The following NTRK1 variants were observed in gnomAD, a reference collection of about 807,000 sequenced individuals.
The protein encoded by NTRK1 is high affinity nerve growth factor receptor.
A neutral mutation model predicts 86.8 loss-of-function variants in NTRK1; 62 were observed. That is an observed-to-expected ratio of 0.71 (90% CI 0.58 to 0.88). The LOEUF is 0.88. Ranked by LOEUF, NTRK1 falls within the 40% of genes least tolerant of loss-of-function variation. The pLI, the probability that NTRK1 is intolerant of heterozygous loss-of-function variation, is 0.00. For missense variants in NTRK1, 967 were observed against 1,078.4 expected, an observed-to-expected ratio of 0.90 and a Z score of 1.45; for synonymous variants, 469 against 456.6, an observed-to-expected ratio of 1.03 and a Z score of -0.35.
chr1:156,829,305 G>T (rs972739880), intron 1 of NTRK1, among the ~76,000 whole-genome samples: 3 of 152,174 alleles, frequency 2.0e-5, no homozygotes, highest in African/African-American at 7.2e-5. Flanking sequence ...ACCACCTAGA[G>T]CACACAGCAC....
chr1:156,868,055 T>TC (rs773193794), intron 4 of NTRK1, 49 bp from the exon 5 acceptor site: 58 of 1,609,938 alleles, frequency 3.6e-5, no homozygotes, highest in Admixed American at 1.0e-4. Flanking sequence ...TCCCCTGTGA[T>TC]CCCTCAGGCC....
chr1:156,815,884 C>A, intron 1 of NTRK1: 1 of 1,613,864 alleles, frequency 6.2e-7, no homozygotes, highest in Non-Finnish European at 8.5e-7. Flanking sequence ...AGCCCGTTGG[C>A]AGACCCGGAT....
Position 156,880,151 on chromosome 1 carries a change from C to T in NTRK1, c.2199C>T (p.Asn733=), listed in dbSNP as rs145656213. 2.5e-6 allele frequency: 4 copies of T among 1,613,294 alleles called. No homozygotes were observed. The African/African-American group carries it at 4.0e-5, about 16-fold the overall frequency. ...AGCAGCCCTGGTACCAGCTCTCCAA[C>T]ACGGAGGTCAGCCCCGGCCCATGGT... is the stretch of plus-strand genomic sequence containing the variant. ...YGKQPWYQLS[N]TEAIDCITQG... Residue 733 remains asparagine, a synonymous_variant, in exon 16 of 17, where the codon AAC becomes AAT. Coordinates refer to ENST00000524377, the MANE Select transcript of NTRK1 (RefSeq NM_002529.4).
Position 156,864,720 on chromosome 1 carries a change from C to G in NTRK1, c.288-8C>G, listed in dbSNP as rs80026148. ...CCTGGGGACTGATCCTCCTGCACCCCTCCCCAGCACCATCGTGAAGAGTGG... is the reference window on the plus strand; with the variant it reads ...CCTGGGGACTGATCCTCCTGCACCCGTCCCCAGCACCATCGTGAAGAGTGG... On this transcript the variant is annotated splice_region_variant and splice_polypyrimidine_tract_variant and intron_variant, in intron 2 of 16. Transcript: ENST00000524377. 3 of 1,613,894 alleles carry G rather than the reference C, an allele frequency of 1.9e-6. No individual in the cohort carries two copies. The South Asian group carries it at 3.3e-5, about 18-fold the overall frequency.
intron 2 of NTRK1, among the ~76,000 whole-genome samples, chr1:156,843,698 G>A (rs561411224): frequency 1.4e-4 from 22 of 152,330 alleles, no homozygotes; most frequent in Non-Finnish European, 2.5e-4. Flanking sequence ...AGGAGTAAAG[G>A]GGCTTCCGCC....
chr1:156,868,330 A>G, intron 5 of NTRK1, 81 bp downstream of exon 5: 1 of 1,573,856 alleles, frequency 6.4e-7, no homozygotes, highest in Non-Finnish European at 8.6e-7. Context: ...CTGAGCAAGC[A>G]CTGAAAAGGC....
chr1:156,823,990 G>A (rs1654256415), intron 1 of NTRK1, among the ~76,000 whole-genome samples: 1 of 152,196 alleles, frequency 6.6e-6, no homozygotes. Flanking sequence ...CCAGTGCTGG[G>A]CCTGGATGAG....
intron 2 of NTRK1, chr1:156,851,510 G>A (rs773632282): frequency 1.2e-6 from 2 of 1,603,684 alleles, no homozygotes; most frequent in East Asian, 4.5e-5. Flanking sequence ...CTGAATGGGG[G>A]CCCCGGGAAG....
intron 2 of NTRK1, chr1:156,853,602 C>T (rs949214863): frequency 2.4e-6 from 2 of 821,782 alleles, no homozygotes; most frequent in Admixed American, 2.7e-5. Flanking sequence ...CTTTTCTGAG[C>T]CTTAGTTTCC....
chr1:156,860,558 C>T (rs1482007396), upstream of NTRK1, among the ~76,000 whole-genome samples: 2 of 152,242 alleles, frequency 1.3e-5, no homozygotes, highest in Non-Finnish European at 2.9e-5. Context: ...CATCTTCCCT[C>T]CTCCCCAAAT....
At chr1:156,861,276 T>G (rs1348718393) in intron 1 of NTRK1, 130 bp downstream of exon 1, 2 of 1,044,064 alleles carry the variant, frequency 1.9e-6, no homozygotes, top group Non-Finnish European at 2.6e-6. Flanking sequence ...CCACGCAGCC[T>G]TCGGCGCTGC....
Position 156,855,071 on chromosome 1 carries a change from C to T in NTRK1, c.51-9283C>T, listed in dbSNP as rs1234824629. On this transcript the variant is annotated intron_variant, in intron 2 of 16. Transcript: ENST00000392302. ...CTTCTGCCTTGGGGTCTTTGTCCTT[C>T]TGTTCCTTCTGGCCAGAATCCTCTT... Among the ~76,000 whole-genome samples, 4 of 152,310 alleles carry T rather than the reference C, an allele frequency of 2.6e-5. No individual in the cohort carries two copies. In the East Asian group the frequency reaches 5.8e-4, roughly 22 times the overall value.
In NTRK1 at chr1:156,842,400, C is replaced by T. The variant is rs1181895076; in HGVS notation, c.50+207C>T. Reference sequence around the variant, plus strand: ...CCCAGGGTCTTCCTGGTCCCTACCTCTGCCTCAGGCCGCAAAGATCGAAGA... The same window carrying T: ...CCCAGGGTCTTCCTGGTCCCTACCTTTGCCTCAGGCCGCAAAGATCGAAGA... On this transcript the variant is annotated intron_variant, in intron 2 of 16. Transcript: ENST00000392302. The T allele has an allele frequency of 1.9e-6, 3 of 1,613,960 alleles. No homozygotes were observed. In the Admixed American group the frequency reaches 5.0e-5, roughly 27 times the overall value.
At chr1:156,872,956 C>T (rs1184500176) in intron 7 of NTRK1, among the ~76,000 whole-genome samples, 3 of 151,500 alleles carry the variant, frequency 2.0e-5, no homozygotes, top group African/African-American at 4.9e-5. Flanking sequence ...GAATTACAGG[C>T]GTGAGCCACC....
At chr1:156,816,120 G>A (rs377396834) in intron 1 of NTRK1, 2 of 1,599,286 alleles carry the variant, frequency 1.3e-6, no homozygotes, top group Non-Finnish European at 1.7e-6. Flanking sequence ...GGGCTGCCGG[G>A]GTTTCTCAGA....
At chr1:156,874,073 G>A (rs1377941505) in intron 8 of NTRK1, 114 bp downstream of exon 8, 3 of 1,123,058 alleles carry the variant, frequency 2.7e-6, no homozygotes, top group African/African-American at 3.1e-5. Context: ...GGGACAGAAA[G>A]GAGTCTGGAG....
At chr1:156,832,954 A>G (rs1654501680) in intron 1 of NTRK1, among the ~76,000 whole-genome samples, 1 of 152,208 alleles carries the variant, frequency 6.6e-6, no homozygotes, top group African/African-American at 2.4e-5. Context: ...TGCAGGACCT[A>G]CTATGAGTGG....
rs1394227769 is a variant in NTRK1, at chr1:156,848,914, C to G, written c.50+6721C>G. On this transcript the variant is annotated intron_variant, in intron 2 of 16. Coordinates refer to the NTRK1 transcript ENST00000392302. Reference sequence around the variant, plus strand: ...GCCCCCGCTCCGGCCCCGCCCCCGGCACTCACGACTCCTTGTAGTACACGA... The same window carrying G: ...GCCCCCGCTCCGGCCCCGCCCCCGGGACTCACGACTCCTTGTAGTACACGA... 20 of 1,561,916 alleles carry G rather than the reference C, an allele frequency of 1.3e-5. No homozygotes were observed. In the Admixed American group the frequency reaches 1.5e-4, roughly 12 times the overall value.
upstream of NTRK1, among the ~76,000 whole-genome samples, chr1:156,857,024 A>G (rs1414475702): frequency 6.6e-6 from 1 of 152,028 alleles, no homozygotes; most frequent in East Asian, 1.9e-4. Context: ...CACATGCCAC[A>G]TGCCACGCTA....
Sources: gnomAD v4.1 joint callset for allele counts (sites outside exome capture counted in the v4.1 genomes callset) on GRCh38, gnomAD v4.1.1 for gene constraint, MANE v1.5 for transcripts, NCBI Gene and HGNC (gene_info 2026-07-23, HGNC 2026-07-21) for gene names.